Variants in FARS2 observed in about 807,000 individuals in gnomAD.
FARS2 encodes phenylalanine--tRNA ligase, mitochondrial.
A neutral mutation model predicts 46.4 loss-of-function variants in FARS2; 40 were observed. That is an observed-to-expected ratio of 0.86 (90% CI 0.67 to 1.12). FARS2 has a LOEUF of 1.12. FARS2 is among the 50% of genes most tolerant of loss of function. The pLI is 0.00. For synonymous variants in FARS2, 234 were observed against 214.9 expected (o/e 1.09, Z -0.78); for missense variants, 513 against 567.9 (o/e 0.90, Z 0.98).
At chr6:5,365,623 A>T (rs540793536) in intron 1 of FARS2, among the ~76,000 whole-genome samples, 7 of 145,096 alleles carry the variant, frequency 4.8e-5, no homozygotes, top group African/African-American at 1.8e-4. Flanking sequence ...GAGTGTTAGG[A>T]TCATAGGCGT....
chr6:5,583,954 T>G (rs1414960118), intron 5 of FARS2, among the ~76,000 whole-genome samples: 1 of 152,214 alleles, frequency 6.6e-6, no homozygotes, highest in Non-Finnish European at 1.5e-5. Flanking sequence ...TCTTAAAGGT[T>G]CAATGGCTTT....
At chr6:5,634,475 G>GT in intron 6 of FARS2, among the ~76,000 whole-genome samples, 1 of 151,942 alleles carries the variant, frequency 6.6e-6, no homozygotes, top group Non-Finnish European at 1.5e-5. Flanking sequence ...GCTAATTTTT[G>GT]TTTTTTGGTT....
intron 4 of FARS2, chr6:5,466,523 C>A (rs1765523716): frequency 1.0e-6 from 1 of 984,558 alleles, no homozygotes. Context: ...ATGTTGTATA[C>A]CTCATTGGAA....
At chr6:5,547,514 G>T (rs943303734) in intron 5 of FARS2, among the ~76,000 whole-genome samples, 1 of 152,154 alleles carries the variant, frequency 6.6e-6, no homozygotes, top group Non-Finnish European at 1.5e-5. Context: ...CAGGAGTTGA[G>T]TTGAATTTCA....
chr6:5,504,877 G>A (rs1162868790), intron 4 of FARS2, among the ~76,000 whole-genome samples: 1 of 151,930 alleles, frequency 6.6e-6, no homozygotes, highest in African/African-American at 2.4e-5. Flanking sequence ...CCCGGCTGGA[G>A]GGCAGTGGCA....
intron 1 of FARS2, among the ~76,000 whole-genome samples, chr6:5,353,594 G>T (rs964603660): frequency 4.6e-5 from 7 of 152,060 alleles, no homozygotes; most frequent in African/African-American, 1.7e-4. Flanking sequence ...CCGGGGCAAG[G>T]TGATGTCTCA....
intron 6 of FARS2, among the ~76,000 whole-genome samples, chr6:5,707,926 G>T (rs930647765): frequency 4.6e-5 from 7 of 152,232 alleles, no homozygotes; most frequent in South Asian, 2.1e-4. Context: ...GGGAAGAAAG[G>T]CTTGGCTACT....
chr6:5,310,116 G>T lies in FARS2; in HGVS notation c.-22+48456G>T, dbSNP rs546695301. Among the ~76,000 whole-genome samples the T allele has an allele frequency of 1.2e-4, 19 of 152,194 alleles. No homozygotes were observed. In the South Asian group the frequency reaches 3.3e-3, roughly 27 times the overall value. ...TAATGATGGTTTTCAAATCACTAGG[G>T]AAAGTAGGTTTTCAAATCACTAGGG... On this transcript the variant is annotated intron_variant, in intron 1 of 6. Transcript: ENST00000274680.
intron 6 of FARS2, among the ~76,000 whole-genome samples, chr6:5,689,977 C>CT (rs1235415081): frequency 3.9e-5 from 6 of 152,204 alleles, no homozygotes; most frequent in East Asian, 1.9e-4. Context: ...CTCTTTTGAT[C>CT]TTGTTGGTTT....
intron 6 of FARS2, among the ~76,000 whole-genome samples, chr6:5,766,212 G>A (rs144071315): frequency 1.1e-4 from 17 of 152,296 alleles, no homozygotes; most frequent in African/African-American, 3.1e-4. Context: ...TCTGTCCTTC[G>A]GGGCAGGCTT....
intron 4 of FARS2, among the ~76,000 whole-genome samples, chr6:5,486,332 G>A (rs927542385): frequency 2.0e-5 from 3 of 152,192 alleles, no homozygotes; most frequent in Non-Finnish European, 4.4e-5. Flanking sequence ...CCAGAGAAAG[G>A]GAAGTGTTTC....
intron 6 of FARS2, among the ~76,000 whole-genome samples, chr6:5,756,264 T>C (rs1394710291): frequency 6.6e-6 from 1 of 152,228 alleles, no homozygotes; most frequent in South Asian, 2.1e-4. Flanking sequence ...TCCCTTGCTT[T>C]CTTATTATCT....
intron 1 of FARS2, among the ~76,000 whole-genome samples, chr6:5,287,792 C>G (rs897061154): frequency 6.6e-6 from 1 of 152,216 alleles, no homozygotes; most frequent in African/African-American, 2.4e-5. Flanking sequence ...AGATGCGGAG[C>G]TCTTCTTCAA....
intron 4 of FARS2, among the ~76,000 whole-genome samples, chr6:5,484,019 C>T (rs1012730018): frequency 3.3e-5 from 5 of 152,122 alleles, no homozygotes; most frequent in Admixed American, 2.0e-4. Flanking sequence ...TAGAGGATTG[C>T]TTGAACCCAG....
At position 5,622,102 on chromosome 6, in the gene FARS2, T is replaced by C. The variant is rs560472313; in HGVS notation, c.1217+8782T>C. On this transcript the variant is annotated intron_variant, in intron 6 of 6. Coordinates refer to ENST00000274680, the MANE Select transcript of FARS2 (RefSeq NM_006567.5). The stretch of plus-strand genomic sequence containing the variant: ...TGCATCAGGCTGCCTCCTGGGGTGC[T>C]GGGCCACCTGCACATGGACCACCGT... 2.0e-5 allele frequency among the ~76,000 whole-genome samples: 3 copies of C among 152,358 alleles called. No individual in the cohort carries two copies. In the East Asian group the frequency reaches 5.8e-4, roughly 29 times the overall value.
At chr6:5,762,210 C>T (rs1762515715) in intron 6 of FARS2, among the ~76,000 whole-genome samples, 1 of 152,192 alleles carries the variant, frequency 6.6e-6, no homozygotes. Flanking sequence ...CAACTGTTAA[C>T]TGTTAGCATG....
At chr6:5,281,403 G>A (rs921230452) in intron 1 of FARS2, among the ~76,000 whole-genome samples, 5 of 151,984 alleles carry the variant, frequency 3.3e-5, no homozygotes, top group Non-Finnish European at 7.4e-5. Context: ...TGTTTTTACT[G>A]TGTCAAAAAA....
At chr6:5,381,405 A>T (rs577730027) in intron 2 of FARS2, among the ~76,000 whole-genome samples, 1 of 67,296 alleles carries the variant, frequency 1.5e-5, no homozygotes, top group Admixed American at 1.4e-4. Context: ...ACACACACAC[A>T]TACACACACA....
At chr6:5,524,699 C>T (rs926392944) in intron 4 of FARS2, among the ~76,000 whole-genome samples, 12 of 152,202 alleles carry the variant, frequency 7.9e-5, no homozygotes, top group African/African-American at 2.9e-4. Context: ...TCTTGCTTTA[C>T]ACATGGCGAA....
Sources: allele counts gnomAD v4.1 joint callset (sites outside exome capture counted in the v4.1 genomes callset), GRCh38; gene constraint gnomAD v4.1.1; transcripts MANE v1.5; gene names NCBI Gene and HGNC (gene_info 2026-07-23, HGNC 2026-07-21).